The following SLC45A4 variants were observed in gnomAD, a reference collection of about 807,000 sequenced individuals.
SLC45A4 encodes solute carrier family 45 member 4.
SLC45A4 carries 32 observed loss-of-function variants against 63.7 expected under a neutral mutation model. That is an observed-to-expected ratio of 0.50 (90% CI 0.38 to 0.67). The LOEUF (loss-of-function observed/expected upper bound fraction) is 0.67. Among genes scored for constraint, SLC45A4 ranks in the 30% least tolerant of loss-of-function variants. The pLI is 0.00. For missense variants in SLC45A4, 1,027 were observed against 1,157.7 expected, an observed-to-expected ratio of 0.89 and a Z score of 1.64; for synonymous variants, 535 against 510.0, an observed-to-expected ratio of 1.05 and a Z score of -0.66.
rs564016568 is a variant in SLC45A4 at position 141,301,734 on chromosome 8, C to CAAAAAAAAAAAAAAAA, written c.-401+6346_-401+6361dup. Among the ~76,000 whole-genome samples the CAAAAAAAAAAAAAAAA allele has an allele frequency of 3.4e-3, 133 of 39,576 alleles. 14 individuals carry two copies. The highest frequency in any genetic ancestry group is 5.0e-3 in the Non-Finnish European group (100 of 19,942). The allele number at this position is 39,576 out of a possible 152,430, so 26.0% of individuals were successfully genotyped here. Reference sequence around the variant, plus strand: ...TGGGGGACAGAATGAGACCCTATCTCAAAAAAAAAAAAAAAAAAAAAAAAA... The same window carrying CAAAAAAAAAAAAAAAA: ...TGGGGGACAGAATGAGACCCTATCTCAAAAAAAAAAAAAAAAAAAAAAAAAAAAAAAAAAAAAAAAA... On this transcript the variant is annotated intron_variant, in intron 1 of 8. Transcript: ENST00000517878.
intron 2 of SLC45A4, among the ~76,000 whole-genome samples, chr8:141,244,412 A>G (rs1828067115): frequency 6.6e-6 from 1 of 152,170 alleles, no homozygotes; most frequent in African/African-American, 2.4e-5. Flanking sequence ...CTTCATCAGC[A>G]AGTCACTCGT....
rs1208114318 is a variant in SLC45A4 at position 141,229,232 on chromosome 8, G to T, written c.242-7467C>A. On this transcript the variant is annotated intron_variant, in intron 2 of 8. Transcript: ENST00000517878. The surrounding 1 kb of genome is among the most constrained non-coding windows in gnomAD (Gnocchi z 5.0). ...ATCCTCCGTAACCCACCCGCCACCT[G>T]CAGTCAGAGTGACCACCTAAAACCC... is the stretch of plus-strand genomic sequence containing the variant. 6.6e-6 allele frequency among the ~76,000 whole-genome samples: 1 copy of T among 151,994 alleles called. No individual in the cohort carries two copies. The highest frequency in any genetic ancestry group is 1.5e-5 in the Non-Finnish European group (1 of 67,988).
chr8:141,246,702 T>TC (rs1252404348), intron 2 of SLC45A4, among the ~76,000 whole-genome samples: 1 of 92,026 alleles, frequency 1.1e-5, no homozygotes. Flanking sequence ...CTCTTTATAC[T>TC]CCTCCCTGAC....
At chr8:141,240,941 C>A (rs3953007) in intron 2 of SLC45A4, among the ~76,000 whole-genome samples, 1,904 of 152,328 alleles carry the variant, frequency 0.012, 35 homozygotes, top group African/African-American at 0.042. Flanking sequence ...TGGGGGCAGC[C>A]GCCCGGATCC....
Position 141,217,678 on chromosome 8 carries a change from G to C in SLC45A4, c.1629+333C>G, listed in dbSNP as rs75678057. Among the ~76,000 whole-genome samples, 601 of 152,340 alleles carry C rather than the reference G, an allele frequency of 3.9e-3. 5 individuals carry two copies. The highest frequency in any genetic ancestry group is 0.014 in the African/African-American group (586 of 41,580). ...AAGGGCCACCAATGAGCCTGGCATG[G>C]TCAACAGCAGGCCATTATCTTAGCT... On this transcript the variant is annotated intron_variant, in intron 5 of 8. Transcript: ENST00000517878.
chr8:141,301,281 G>A (rs937616344), intron 1 of SLC45A4, among the ~76,000 whole-genome samples: 1 of 152,124 alleles, frequency 6.6e-6, no homozygotes, highest in African/African-American at 2.4e-5. Flanking sequence ...GGTGTATTTT[G>A]TGCATTTAGT....
At chr8:141,233,792 G>A (rs552455330) in intron 2 of SLC45A4, among the ~76,000 whole-genome samples, 16 of 152,310 alleles carry the variant, frequency 1.1e-4, no homozygotes, top group East Asian at 3.9e-4. Context: ...GCTATGGAGC[G>A]TGGCACCCGT....
chr8:141,236,418 T>G (rs1827628084), intron 2 of SLC45A4, among the ~76,000 whole-genome samples: 1 of 152,234 alleles, frequency 6.6e-6, no homozygotes, highest in Non-Finnish European at 1.5e-5. Context: ...CAACTCAACA[T>G]TTAATGTTTC....
intron 1 of SLC45A4, among the ~76,000 whole-genome samples, chr8:141,284,927 G>C (rs759419536): frequency 1.3e-5 from 2 of 152,082 alleles, no homozygotes; most frequent in African/African-American, 4.8e-5. Flanking sequence ...TGTCCCAAGC[G>C]TCCACCGTGG....
chr8:141,217,556 G>A (rs767155962), intron 5 of SLC45A4, among the ~76,000 whole-genome samples: 30 of 152,204 alleles, frequency 2.0e-4, no homozygotes, highest in African/African-American at 2.9e-4. Context: ...GGGAGGGACC[G>A]TATGGAGACA....
At position 141,286,449 on chromosome 8, in the gene SLC45A4, G is replaced by A. The variant is rs796812309; in HGVS notation, c.-401+21647C>T. 3.3e-5 allele frequency among the ~76,000 whole-genome samples: 5 copies of A among 152,218 alleles called. No individual in the cohort carries two copies. In the East Asian group the frequency reaches 5.8e-4, roughly 18 times the overall value. On this transcript the variant is annotated intron_variant, in intron 1 of 8. Coordinates refer to ENST00000517878, the MANE Select transcript of SLC45A4 (RefSeq NM_001286646.2). ...CCAATGTATCTTCCTGGTCCCTTTC[G>A]GGGCACCCTTTACCCACACGCCCTA...
intron 1 of SLC45A4, among the ~76,000 whole-genome samples, chr8:141,261,786 T>C (rs1455979724): frequency 6.6e-6 from 1 of 152,148 alleles, no homozygotes; most frequent in Non-Finnish European, 1.5e-5. Flanking sequence ...ATCATGAAAA[T>C]GGCCACACTG....
chr8:141,253,622 A>G (rs1207350904), intron 2 of SLC45A4, among the ~76,000 whole-genome samples: 3 of 151,230 alleles, frequency 2.0e-5, no homozygotes, highest in East Asian at 3.9e-4. Flanking sequence ...ACAGCCAGTG[A>G]CTGTCAGTGC....
chr8:141,269,920 A>G (rs1031276034), intron 1 of SLC45A4, among the ~76,000 whole-genome samples: 1 of 152,150 alleles, frequency 6.6e-6, no homozygotes, highest in Non-Finnish European at 1.5e-5. Flanking sequence ...GCATCCCCAC[A>G]GCAGAGGCAG....
At chr8:141,299,963 G>C (rs1313349855) in intron 1 of SLC45A4, among the ~76,000 whole-genome samples, 1 of 152,102 alleles carries the variant, frequency 6.6e-6, no homozygotes, top group Non-Finnish European at 1.5e-5. Flanking sequence ...TGTCTTCCTG[G>C]TCCCGTTCTT....
chr8:141,238,889 T>C lies in SLC45A4; in HGVS notation c.241+15100A>G, dbSNP rs557109610. Among the ~76,000 whole-genome samples, 18 of 152,238 alleles carry C rather than the reference T, an allele frequency of 1.2e-4. No individual in the cohort carries two copies. In the South Asian group the frequency reaches 2.7e-3, roughly 23 times the overall value. On this transcript the variant is annotated intron_variant, in intron 2 of 8. Transcript: ENST00000517878. ...CACGCAGCCCCATGAAAGCCCAGACTGTGGGAGGTGCTATGAAGGGCGCCT... is the reference window on the plus strand; with the variant it reads ...CACGCAGCCCCATGAAAGCCCAGACCGTGGGAGGTGCTATGAAGGGCGCCT...
At chr8:141,249,121 T>C (rs12546013) in intron 2 of SLC45A4, among the ~76,000 whole-genome samples, 8,556 of 151,972 alleles carry the variant, frequency 0.056, 336 homozygotes, top group Non-Finnish European at 0.078. Flanking sequence ...ACACTAAACA[T>C]TGACGACGAT....
chr8:141,257,438 G>A (rs776635141), intron 1 of SLC45A4, among the ~76,000 whole-genome samples: 1 of 152,180 alleles, frequency 6.6e-6, no homozygotes, highest in Non-Finnish European at 1.5e-5. Flanking sequence ...GTTTTGGGCA[G>A]GAACAAAAGC....
At chr8:141,298,854 G>A (rs1366506205) in intron 1 of SLC45A4, among the ~76,000 whole-genome samples, 5 of 152,142 alleles carry the variant, frequency 3.3e-5, no homozygotes, top group African/African-American at 1.2e-4. Context: ...CCAAGGCATG[G>A]AGGGCACTGC....
Sources: allele counts gnomAD v4.1 joint callset (sites outside exome capture counted in the v4.1 genomes callset), GRCh38; gene constraint gnomAD v4.1.1; non-coding constraint Gnocchi (gnomAD v3.1); transcripts MANE v1.5; gene names NCBI Gene and HGNC (gene_info 2026-07-23, HGNC 2026-07-21).